NFIA: variants seen among roughly 807,000 people sequenced by gnomAD.
NFIA encodes the protein nuclear factor I A.
NFIA carries 8 observed loss-of-function variants against 62.8 expected under a neutral mutation model. That is an observed-to-expected ratio of 0.13 (90% CI 0.07 to 0.23). The LOEUF (loss-of-function observed/expected upper bound fraction) is 0.23. Among genes scored for constraint, NFIA ranks in the 10% least tolerant of loss-of-function variants. The probability of loss-of-function intolerance (pLI) is 1.00; values close to 1 mark genes in which losing one functional copy is unlikely to be tolerated. For synonymous variants in NFIA, 235 were observed against 238.1 expected, an observed-to-expected ratio of 0.99 and a Z score of 0.12; for missense variants, 410 against 642.1, an observed-to-expected ratio of 0.64 and a Z score of 3.91.
intron 6 of NFIA, among the ~76,000 whole-genome samples, chr1:61,382,864 C>T (rs913776673): frequency 6.6e-6 from 1 of 152,072 alleles, no homozygotes; most frequent in African/African-American, 2.4e-5. Context: ...CAAGATGAAA[C>T]GATTGCATGT....
intron 2 of NFIA, among the ~76,000 whole-genome samples, chr1:61,129,135 G>A (rs1647030077): frequency 6.6e-6 from 1 of 151,768 alleles, no homozygotes; most frequent in Admixed American, 6.6e-5. Flanking sequence ...TGTTAGCCAG[G>A]ATGGTCTTGA....
At chr1:61,213,418 C>G (rs904312652) in intron 2 of NFIA, among the ~76,000 whole-genome samples, 1 of 152,142 alleles carries the variant, frequency 6.6e-6, no homozygotes, top group African/African-American at 2.4e-5. Flanking sequence ...TCTAAGTCTC[C>G]AAGGATGAGC....
chr1:61,399,342 T>C (rs1249573754), intron 7 of NFIA, among the ~76,000 whole-genome samples: 2 of 152,168 alleles, frequency 1.3e-5, no homozygotes, highest in Non-Finnish European at 1.5e-5. Flanking sequence ...TGAAGGAGGA[T>C]TATATTTTAT....
intron 6 of NFIA, among the ~76,000 whole-genome samples, chr1:61,375,126 G>A (rs929598422): frequency 1.3e-5 from 2 of 152,176 alleles, no homozygotes; most frequent in Non-Finnish European, 2.9e-5. Flanking sequence ...TAATTACAAG[G>A]TATACTTTAA....
chr1:61,297,060 C>T (rs1027903656), intron 3 of NFIA, among the ~76,000 whole-genome samples: 20 of 152,276 alleles, frequency 1.3e-4, no homozygotes, highest in Admixed American at 5.2e-4. Context: ...TTCCACTGGC[C>T]TAATGAAAGT....
chr1:61,189,362 C>T (rs1260757839), intron 2 of NFIA, among the ~76,000 whole-genome samples: 1 of 152,028 alleles, frequency 6.6e-6, no homozygotes, highest in Non-Finnish European at 1.5e-5. Flanking sequence ...AGAGAGTGCT[C>T]TAGAGTGTGG....
rs1213688759 is a variant in NFIA at position 61,146,525 on chromosome 1, A to C, written c.559+57845A>C. Among the ~76,000 whole-genome samples the C allele has an allele frequency of 3.9e-5, 6 of 151,978 alleles. No homozygotes were observed. In the East Asian group the frequency reaches 1.2e-3, roughly 29 times the overall value. ...TAATTATATGTGCACAACTACCTAA[A>C]ATTTTCTTAATAATTGCTCTCTGTT... On this transcript the variant is annotated intron_variant, in intron 2 of 10. Transcript: ENST00000403491.
At chr1:61,259,668 T>C (rs1415841860) in intron 2 of NFIA, among the ~76,000 whole-genome samples, 1 of 152,322 alleles carries the variant, frequency 6.6e-6, no homozygotes, top group East Asian at 1.9e-4. Context: ...CTGTGCTGTA[T>C]ACATGTGACT....
chr1:61,278,500 A>G (rs1657945263), intron 3 of NFIA, among the ~76,000 whole-genome samples: 1 of 152,178 alleles, frequency 6.6e-6, no homozygotes, highest in African/African-American at 2.4e-5. Flanking sequence ...TTAAAAGCTC[A>G]GGCTGTGGGC....
chr1:61,418,279 C>T (rs1014149914), intron 9 of NFIA, among the ~76,000 whole-genome samples: 6 of 151,882 alleles, frequency 4.0e-5, no homozygotes, highest in African/African-American at 1.5e-4. Context: ...GCCTGGGCAA[C>T]ATAATGAGAC....
intron 1 of NFIA, among the ~76,000 whole-genome samples, chr1:61,085,847 C>A (rs1646210123): frequency 6.6e-6 from 1 of 151,926 alleles, no homozygotes; most frequent in African/African-American, 2.4e-5. Flanking sequence ...CATAGTTGTT[C>A]TTGTTTAAGG....
intron 2 of NFIA, among the ~76,000 whole-genome samples, chr1:61,108,485 G>A (rs4915586): frequency 0.94 from 143,211 of 151,722 alleles, 67,681 homozygotes; most frequent in East Asian, 0.99. Context: ...GTATTGGTAA[G>A]TTCTTTTTTG....
intron 9 of NFIA, among the ~76,000 whole-genome samples, chr1:61,426,040 A>G (rs1318943346): frequency 6.6e-6 from 1 of 152,140 alleles, no homozygotes; most frequent in Non-Finnish European, 1.5e-5. Context: ...ATTTTTTAAG[A>G]GTGTAACGGT....
intron 2 of NFIA, among the ~76,000 whole-genome samples, chr1:61,214,772 GA>G (rs1409969563): frequency 1.3e-5 from 2 of 152,190 alleles, no homozygotes; most frequent in East Asian, 3.8e-4. Context: ...CATTATAGGA[GA>G]ATTGAAGATG....
At chr1:61,248,449 A>G (rs1208071727) in intron 2 of NFIA, among the ~76,000 whole-genome samples, 1 of 152,176 alleles carries the variant, frequency 6.6e-6, no homozygotes, top group African/African-American at 2.4e-5. Context: ...GAATTGGTCC[A>G]CAGAACTAAA....
intron 3 of NFIA, among the ~76,000 whole-genome samples, chr1:61,329,775 A>G (rs1251000430): frequency 6.6e-6 from 1 of 152,192 alleles, no homozygotes; most frequent in East Asian, 1.9e-4. Flanking sequence ...CTCCGTAGAC[A>G]TTTATTGAAT....
rs1334973510 is a variant in NFIA at position 61,088,760 on chromosome 1, TC to T, written c.559+82del. 5.4e-6 allele frequency: 8 copies of T among 1,485,322 alleles called. No homozygotes were observed. The highest frequency in any genetic ancestry group is 4.5e-5 in the East Asian group (2 of 44,044). The allele number at this position is 1,485,322 out of a possible 1,614,324, so 92.0% of individuals were successfully genotyped here. ...TGGCCTCCGCGTTATGCCGGATTCT[TC>T]CTGAGCTCCCCAAGTTGCAGGCCAC... On this transcript the variant is annotated intron_variant, in intron 2 of 10. Coordinates refer to ENST00000403491, the MANE Select transcript of NFIA (RefSeq NM_001134673.4). This position sits in a 1 kb window ranked among gnomAD's most constrained non-coding sequence, Gnocchi z 4.5.
intron 2 of NFIA, among the ~76,000 whole-genome samples, chr1:61,157,436 T>C (rs1446509459): frequency 6.6e-6 from 1 of 152,178 alleles, no homozygotes; most frequent in Non-Finnish European, 1.5e-5. Flanking sequence ...AAAGGACATA[T>C]TATTATCAAA....
chr1:61,450,988 G>A (rs922667290), intron 10 of NFIA, among the ~76,000 whole-genome samples: 2 of 152,148 alleles, frequency 1.3e-5, no homozygotes, highest in African/African-American at 4.8e-5. Flanking sequence ...TAACGCAGGG[G>A]TTGAGGCCAT....
Sources: gnomAD v4.1 joint callset for allele counts (sites outside exome capture counted in the v4.1 genomes callset) on GRCh38, gnomAD v4.1.1 for gene constraint, Gnocchi (gnomAD v3.1) non-coding constraint, MANE v1.5 for transcripts, NCBI Gene and HGNC (gene_info 2026-07-23, HGNC 2026-07-21) for gene names.